Variants in DDX10 observed in about 807,000 individuals in gnomAD.
DDX10 encodes probable ATP-dependent RNA helicase DDX10.
DDX10 carries 74 observed loss-of-function variants against 104.3 expected under a neutral mutation model. The observed-to-expected ratio is 0.71, with a 90% CI of 0.59 to 0.86. DDX10 has a LOEUF of 0.86. Ranked by LOEUF, DDX10 falls within the 40% of genes least tolerant of loss-of-function variation. The probability of loss-of-function intolerance (pLI) is 0.00; values close to 1 mark genes in which losing one functional copy is unlikely to be tolerated. For synonymous variants in DDX10, 351 were observed against 353.4 expected (o/e 0.99, Z 0.08); for missense variants, 952 against 1,040.0 (o/e 0.92, Z 1.16).
chr11:108,773,556 G>A (rs575590750), intron 13 of DDX10, among the ~76,000 whole-genome samples: 1 of 151,998 alleles, frequency 6.6e-6, no homozygotes, highest in South Asian at 2.1e-4. Flanking sequence ...ACAGATGTGT[G>A]CACATGCACA....
chr11:108,731,299 C>T (rs1237260367), intron 13 of DDX10, among the ~76,000 whole-genome samples: 1 of 152,146 alleles, frequency 6.6e-6, no homozygotes. Flanking sequence ...CATCCACCTG[C>T]CTCAGCCTCT....
At chr11:108,835,927 A>G (rs1156363420) in intron 13 of DDX10, among the ~76,000 whole-genome samples, 1 of 151,994 alleles carries the variant, frequency 6.6e-6, no homozygotes, top group Non-Finnish European at 1.5e-5. Flanking sequence ...AGCTTTAGGA[A>G]GTTTCAGAAA....
At chr11:108,671,211 T>C (rs1488200659) in intron 1 of DDX10, among the ~76,000 whole-genome samples, 1 of 152,250 alleles carries the variant, frequency 6.6e-6, no homozygotes, top group Non-Finnish European at 1.5e-5. Flanking sequence ...TTGCCCAGGC[T>C]GGAGTGCAGT....
intron 13 of DDX10, among the ~76,000 whole-genome samples, chr11:108,741,573 G>A (rs189758091): frequency 6.6e-6 from 1 of 152,114 alleles, no homozygotes; most frequent in East Asian, 1.9e-4. Context: ...GTTTTGGACG[G>A]GATTGCATTC....
At chr11:108,753,192 A>C (rs1431105588) in intron 13 of DDX10, among the ~76,000 whole-genome samples, 2 of 152,124 alleles carry the variant, frequency 1.3e-5, no homozygotes, top group African/African-American at 2.4e-5. Context: ...CTGAGTGCTC[A>C]TTAAAAATTT....
chr11:108,817,471 T>C (rs1352151601), intron 13 of DDX10, among the ~76,000 whole-genome samples: 3 of 152,232 alleles, frequency 2.0e-5, no homozygotes, highest in Admixed American at 2.0e-4. Context: ...GAAAGGCCTT[T>C]CCTATTTTTC....
chr11:108,771,232 C>G (rs2094362740), intron 13 of DDX10, among the ~76,000 whole-genome samples: 1 of 152,068 alleles, frequency 6.6e-6, no homozygotes, highest in Non-Finnish European at 1.5e-5. Context: ...TCTTTCAGCT[C>G]CGTCTATATT....
intron 13 of DDX10, among the ~76,000 whole-genome samples, chr11:108,835,681 T>C (rs937618940): frequency 6.6e-6 from 1 of 152,228 alleles, no homozygotes; most frequent in East Asian, 1.9e-4. Context: ...TTTTAAGTAC[T>C]TCTTTTGAGG....
At chr11:108,676,621 A>T (rs1357483503) in intron 3 of DDX10, among the ~76,000 whole-genome samples, 1 of 151,970 alleles carries the variant, frequency 6.6e-6, no homozygotes, top group Admixed American at 6.6e-5. Flanking sequence ...TGATTTTTGT[A>T]TTTTTGGTAA....
At position 108,873,042 on chromosome 11, in the gene DDX10, A is replaced by G. The variant is rs186735450; in HGVS notation, c.2304+20833A>G. Among the ~76,000 whole-genome samples the G allele has an allele frequency of 8.2e-4, 125 of 152,328 alleles. 1 individual carries two copies. The Middle Eastern group carries it at 0.014, about 17-fold the overall frequency. On this transcript the variant is annotated intron_variant, in intron 16 of 17. Transcript: ENST00000322536. ...TGTGAGTGTTTATAGAATAAACATC[A>G]TGGGCATAATTCATATTTAAATCAT...
chr11:108,812,810 C>T (rs1021569545), intron 13 of DDX10, among the ~76,000 whole-genome samples: 2 of 151,572 alleles, frequency 1.3e-5, no homozygotes, highest in African/African-American at 4.8e-5. Context: ...GGTGAAACCC[C>T]GTTTTTACTG....
chr11:108,839,440 G>A (rs1162017749), intron 14 of DDX10, among the ~76,000 whole-genome samples: 1 of 152,034 alleles, frequency 6.6e-6, no homozygotes, highest in Non-Finnish European at 1.5e-5. Flanking sequence ...GTATTTTGTT[G>A]ATTTTGTTTA....
At chr11:108,842,533 CA>C (rs1483634112) in intron 15 of DDX10, among the ~76,000 whole-genome samples, 1 of 152,124 alleles carries the variant, frequency 6.6e-6, no homozygotes, top group African/African-American at 2.4e-5. Context: ...ATATTTGATG[CA>C]GCTTCAGAGT....
chr11:108,709,068 A>G (rs2094280560), intron 10 of DDX10, among the ~76,000 whole-genome samples: 1 of 152,288 alleles, frequency 6.6e-6, no homozygotes, highest in African/African-American at 2.4e-5. Flanking sequence ...CCCAATCGGT[A>G]TGCCTTTTAT....
intron 13 of DDX10, among the ~76,000 whole-genome samples, chr11:108,818,520 A>G (rs960652616): frequency 3.9e-5 from 6 of 152,208 alleles, no homozygotes; most frequent in African/African-American, 1.4e-4. Context: ...TTTAATAGAA[A>G]ATTTTAGTCA....
At chr11:108,902,440 C>A (rs569410861) in intron 16 of DDX10, among the ~76,000 whole-genome samples, 129 of 152,250 alleles carry the variant, frequency 8.5e-4, no homozygotes, top group Non-Finnish European at 1.5e-3. Context: ...TGGAGTCAAA[C>A]GTACTGGGAT....
intron 16 of DDX10, among the ~76,000 whole-genome samples, chr11:108,917,425 A>G (rs138401424): frequency 6.6e-6 from 1 of 151,966 alleles, no homozygotes; most frequent in Non-Finnish European, 1.5e-5. Context: ...TATTTTAGAG[A>G]TGTTGCCCAG....
intron 16 of DDX10, among the ~76,000 whole-genome samples, chr11:108,857,316 A>C (rs943230269): frequency 5.9e-5 from 9 of 152,182 alleles, no homozygotes; most frequent in Admixed American, 5.9e-4. Flanking sequence ...AAGGCAGGCT[A>C]TGTCTTAAAG....
intron 13 of DDX10, among the ~76,000 whole-genome samples, chr11:108,760,709 C>T (rs149138284): frequency 4.2e-4 from 62 of 147,458 alleles, no homozygotes; most frequent in African/African-American, 1.4e-3. Flanking sequence ...GACTTCAGGG[C>T]CTGTATAGGA....
Sources: gnomAD v4.1 joint callset for allele counts (sites outside exome capture counted in the v4.1 genomes callset) on GRCh38, gnomAD v4.1.1 for gene constraint, MANE v1.5 for transcripts, NCBI Gene and HGNC (gene_info 2026-07-23, HGNC 2026-07-21) for gene names.